Variants in HACL1 observed in about 807,000 individuals in gnomAD.
HACL1 encodes the protein 1600020H07Rik.
In HACL1, 64 loss-of-function variants were observed where a neutral mutation model predicts 74.2. That is an observed-to-expected ratio of 0.86 (90% confidence interval 0.70 to 1.06). The LOEUF (loss-of-function observed/expected upper bound fraction) is 1.06. Ranked by LOEUF, HACL1 falls within the 50% of genes least tolerant of loss-of-function variation. The pLI is 0.00. For synonymous variants in HACL1, 230 were observed against 238.8 expected, an observed-to-expected ratio of 0.96 and a Z score of 0.34; for missense variants, 728 against 719.7, an observed-to-expected ratio of 1.01 and a Z score of -0.13.
At chr3:15,569,468 G>A (rs916660349) in intron 12 of HACL1, among the ~76,000 whole-genome samples, 2 of 151,082 alleles carry the variant, frequency 1.3e-5, no homozygotes, top group South Asian at 2.1e-4. Flanking sequence ...GGCGGATCAC[G>A]AGGTTAGGAG....
At chr3:15,563,256 C>T in intron 16 of HACL1, 102 bp downstream of exon 16, 1 of 741,526 alleles carries the variant, frequency 1.3e-6, no homozygotes, top group Non-Finnish European at 2.3e-6. Flanking sequence ...TTTAGAAAGA[C>T]CTCTGTGGAT....
rs777081658 is a variant in HACL1 at position 15,585,229 on chromosome 3, C to T, written c.554+19G>A. ...TACATGTACATTGAAGAAAGAATTC[C>T]AGCATAACTATTACTCACTTTATAG... On this transcript the variant is annotated intron_variant, in intron 7 of 16. Transcript: ENST00000321169. 11 of 1,199,812 alleles carry T rather than the reference C, an allele frequency of 9.2e-6. No individual in the cohort carries two copies. In the South Asian group the frequency reaches 1.2e-4, roughly 13 times the overall value. The allele number at this position is 1,199,812 out of a possible 1,614,324, so 74.3% of individuals were successfully genotyped here. A position where few individuals can be genotyped will look rare whatever the true frequency, so the allele number is the denominator to read the frequency against.
rs2064154509 is a variant in HACL1 at position 15,599,927 on chromosome 3, T to C, written c.186+1163A>G. ...CAAAAACAGTTAAGTATAGGTTCCA[T>C]TCATAGGTCAATAGCTTCATTTTTT... On this transcript the variant is annotated intron_variant, in intron 2 of 16. Coordinates refer to ENST00000321169, the MANE Select transcript of HACL1 (RefSeq NM_012260.4). 2.6e-5 allele frequency among the ~76,000 whole-genome samples: 4 copies of C among 152,224 alleles called. No individual in the cohort carries two copies. The South Asian group carries it at 6.2e-4, about 24-fold the overall frequency.
In HACL1 at chr3:15,574,788, T is replaced by A. The variant is rs542511080; in HGVS notation, c.909+189A>T. On this transcript the variant is annotated intron_variant, in intron 10 of 16. Transcript: ENST00000321169. ...TCTGGCTAGAAGTGGCACACTATATTTCATAGGCTAGAAAAGGAAGCTTAT... is the reference window on the plus strand; with the variant it reads ...TCTGGCTAGAAGTGGCACACTATATATCATAGGCTAGAAAAGGAAGCTTAT... Among the ~76,000 whole-genome samples, 7 of 152,350 alleles carry A rather than the reference T, an allele frequency of 4.6e-5. No homozygotes were observed. In the East Asian group the frequency reaches 1.2e-3, roughly 25 times the overall value.
At position 15,601,531 on chromosome 3, in the gene HACL1, G is replaced by A. The variant is rs772168842; in HGVS notation, c.-68C>T. On this transcript the variant is annotated 5_prime_UTR_variant, in exon 1 of 17. Transcript: ENST00000321169. ...AGCGGAATCATCCAGCAAGGCAAAC[G>A]CGAAATCGGCAGCACGCCACCTCTG... 1.4e-5 allele frequency: 23 copies of A among 1,607,846 alleles called. No individual in the cohort carries two copies. The Middle Eastern group carries it at 6.6e-4, about 46-fold the overall frequency.
At chr3:15,576,177 AG>A (rs1189277902) in intron 9 of HACL1, among the ~76,000 whole-genome samples, 5 of 143,764 alleles carry the variant, frequency 3.5e-5, no homozygotes, top group Admixed American at 6.9e-5. Flanking sequence ...AAAAAAAAAA[AG>A]GTTTCCTTTC....
rs2063896907 is a variant in HACL1 at position 15,591,648 on chromosome 3, C to A, written c.260G>T (p.Gly87Val). 6.2e-7 allele frequency: 1 copy of A among 1,612,336 alleles called. No homozygotes were observed. Among genetic ancestry groups the A allele is most frequent in the Non-Finnish European group, 8.5e-7 (1 of 1,178,704 alleles). Reference protein sequence around the residue: ...PGVCLVVSGPGLIHALGGMAN... With the variant: ...PGVCLVVSGPVLIHALGGMAN... ...CATACCGCCCAAGGCATGGATGAGA[C>A]CTGGGCCAGAAACAACAAGGCAGAC... The change falls in exon 4 of 17, where the codon GGT becomes GTT. Residue 87 changes from glycine to valine, a missense_variant. Coordinates refer to ENST00000321169, the MANE Select transcript of HACL1 (RefSeq NM_012260.4).
chr3:15,595,022 G>T (rs1234427189), intron 3 of HACL1, among the ~76,000 whole-genome samples: 1 of 152,102 alleles, frequency 6.6e-6, no homozygotes, highest in African/African-American at 2.4e-5. Flanking sequence ...AGCTACTGGG[G>T]AAGCTGAGGC....
chr3:15,600,653 C>T (rs1296613336), intron 2 of HACL1: 1 of 179,304 alleles, frequency 5.6e-6, no homozygotes, highest in Non-Finnish European at 1.2e-5. Flanking sequence ...ATTTATCCCA[C>T]AGGTAATCTC....
intron 3 of HACL1, among the ~76,000 whole-genome samples, chr3:15,592,058 A>C (rs529980272): frequency 7.2e-5 from 1 of 13,928 alleles, no homozygotes; most frequent in African/African-American, 2.9e-4. Flanking sequence ...CTATATACGT[A>C]TATATACGTA....
chr3:15,587,824 T>C (rs999454811), intron 5 of HACL1, among the ~76,000 whole-genome samples: 8 of 152,218 alleles, frequency 5.3e-5, no homozygotes, highest in African/African-American at 9.6e-5. Context: ...TTATCATATA[T>C]GAAATTTTAT....
rs191701245 is a variant in HACL1, at chr3:15,599,938, A to G, written c.186+1152T>C. Among the ~76,000 whole-genome samples, 163 of 152,382 alleles carry G rather than the reference A, an allele frequency of 1.1e-3. 1 individual carries two copies. Among genetic ancestry groups the G allele is most frequent in the African/African-American group, 3.8e-3 (156 of 41,598 alleles). On this transcript the variant is annotated intron_variant, in intron 2 of 16. Transcript: ENST00000321169. ...AAGTATAGGTTCCATTCATAGGTCAATAGCTTCATTTTTTCACACAGATGA... is the reference window on the plus strand; with the variant it reads ...AAGTATAGGTTCCATTCATAGGTCAGTAGCTTCATTTTTTCACACAGATGA...
intron 10 of HACL1, 52 bp from the exon 11 acceptor site, chr3:15,573,294 G>C (rs1257966127): frequency 9.8e-7 from 1 of 1,015,490 alleles, no homozygotes; most frequent in Non-Finnish European, 1.6e-6. Context: ...TGAAAAATAT[G>C]TAAGAAGGCA....
chr3:15,573,927 G>C (rs1258444475), intron 10 of HACL1, among the ~76,000 whole-genome samples: 5 of 152,228 alleles, frequency 3.3e-5, no homozygotes, highest in African/African-American at 1.2e-4. Flanking sequence ...GCAATCAAGA[G>C]GTATTGGCAT....
intron 9 of HACL1, among the ~76,000 whole-genome samples, 162 bp from the exon 10 acceptor site, chr3:15,575,244 TA>T (rs1429488346): frequency 2.0e-5 from 3 of 152,194 alleles, no homozygotes; most frequent in Non-Finnish European, 4.4e-5. Flanking sequence ...AAATAATTTA[TA>T]AAACCATTCT....
At chr3:15,600,002 T>C (rs1574954956) in intron 2 of HACL1, among the ~76,000 whole-genome samples, 1 of 151,752 alleles carries the variant, frequency 6.6e-6, no homozygotes, top group African/African-American at 2.4e-5. Flanking sequence ...AAGTAAAATG[T>C]AGAAGCAACA....
intron 4 of HACL1, among the ~76,000 whole-genome samples, chr3:15,591,240 T>C (rs1259388089): frequency 6.6e-6 from 1 of 152,232 alleles, no homozygotes; most frequent in African/African-American, 2.4e-5. Context: ...AACATATTCA[T>C]GTTACTTTTT....
chr3:15,573,071 G>A lies in HACL1; in HGVS notation c.993+88C>T, dbSNP rs753543325. 1.7e-4 allele frequency: 130 copies of A among 778,018 alleles called. 1 individual carries two copies. The highest frequency in any genetic ancestry group is 2.7e-4 in the Non-Finnish European group (116 of 436,118). 48.2% of individuals were successfully genotyped at this position (778,018 alleles called of 1,614,324 possible). Reference sequence around the variant, plus strand: ...TAAAACAGATATGAATAGTAGACCCGTTACCAAGTGAATCAAGATTAAAAC... The same window carrying A: ...TAAAACAGATATGAATAGTAGACCCATTACCAAGTGAATCAAGATTAAAAC... On this transcript the variant is annotated intron_variant, in intron 11 of 16. Transcript: ENST00000321169.
intron 14 of HACL1, among the ~76,000 whole-genome samples, chr3:15,566,815 C>CTTTTT (rs1156234795): frequency 8.7e-5 from 8 of 92,474 alleles, no homozygotes; most frequent in Non-Finnish European, 1.0e-4. Context: ...GGTTAAGTGA[C>CTTTTT]TTTTTTTTTT....
Sources: allele counts gnomAD v4.1 joint callset (sites outside exome capture counted in the v4.1 genomes callset), GRCh38; gene constraint gnomAD v4.1.1; transcripts MANE v1.5; gene names NCBI Gene and HGNC (gene_info 2026-07-23, HGNC 2026-07-21).